Variants in EPC2 observed in about 807,000 individuals in gnomAD.
EPC2 encodes the protein enhancer of polycomb homolog 2.
A neutral mutation model predicts 92.1 loss-of-function variants in EPC2; 14 were observed. That is an observed-to-expected ratio of 0.15 (90% CI 0.10 to 0.24). EPC2 has a LOEUF of 0.24. EPC2 is among the 10% of genes least tolerant of loss of function. EPC2 has a pLI of 1.00. For missense variants in EPC2, 755 were observed against 971.5 expected (o/e 0.78, Z 2.96); for synonymous variants, 340 against 334.7 (o/e 1.02, Z -0.17).
chr2:148,646,501 ATATT>A (rs548812581), intron 1 of EPC2, among the ~76,000 whole-genome samples: 76 of 152,008 alleles, frequency 5.0e-4, no homozygotes, highest in Non-Finnish European at 8.7e-4. Flanking sequence ...ATACACATAT[ATATT>A]TGTGTGTGCA....
intron 2 of EPC2, among the ~76,000 whole-genome samples, chr2:148,722,024 C>T (rs182149471): frequency 5.9e-4 from 89 of 150,410 alleles, no homozygotes; most frequent in Middle Eastern, 3.5e-3. Context: ...GCATTCTTTT[C>T]ATATCTGACT....
chr2:148,689,051 C>G (rs546542843), intron 1 of EPC2, among the ~76,000 whole-genome samples: 192 of 152,176 alleles, frequency 1.3e-3, no homozygotes, highest in Non-Finnish European at 2.1e-3. Context: ...AGACTGGAAG[C>G]AATTTTGAAA....
At chr2:148,646,661 A>G (rs1683808277) in intron 1 of EPC2, among the ~76,000 whole-genome samples, 2 of 152,092 alleles carry the variant, frequency 1.3e-5, no homozygotes, top group African/African-American at 4.8e-5. Context: ...ATTAAAATAA[A>G]ATCATATTAT....
At chr2:148,692,783 G>A (rs1681669775) in intron 2 of EPC2, 1 of 152,232 alleles carries the variant, frequency 6.6e-6, no homozygotes, top group Admixed American at 6.5e-5. Context: ...TAAAAATCGG[G>A]TGTAACTCAT....
At chr2:148,775,988 A>G (rs1683635684) in intron 10 of EPC2, among the ~76,000 whole-genome samples, 1 of 151,820 alleles carries the variant, frequency 6.6e-6, no homozygotes. Context: ...TCACTGTGTT[A>G]GCCAGGATGG....
At chr2:148,765,823 A>T (rs12691805) in intron 7 of EPC2, among the ~76,000 whole-genome samples, 1 of 152,166 alleles carries the variant, frequency 6.6e-6, no homozygotes, top group Non-Finnish European at 1.5e-5. Flanking sequence ...GGATCACAAG[A>T]TCAGGAGATC....
intron 3 of EPC2, among the ~76,000 whole-genome samples, chr2:148,750,617 C>T (rs904313953): frequency 6.6e-6 from 1 of 151,898 alleles, no homozygotes; most frequent in African/African-American, 2.4e-5. Context: ...GATTGGCTTG[C>T]CGTAATTTTG....
chr2:148,713,755 A>G (rs535765480), intron 2 of EPC2, among the ~76,000 whole-genome samples: 48 of 152,184 alleles, frequency 3.2e-4, no homozygotes, highest in Admixed American at 8.5e-4. Flanking sequence ...AGTTGCCTAC[A>G]CTAGCATGCT....
chr2:148,784,213 G>GT (rs1416780149), intron 12 of EPC2, among the ~76,000 whole-genome samples: 1 of 152,146 alleles, frequency 6.6e-6, no homozygotes, highest in African/African-American at 2.4e-5. Context: ...GAAACCCTGT[G>GT]TGCTTCTTAG....
At chr2:148,664,069 A>G (rs369104787) in intron 1 of EPC2, among the ~76,000 whole-genome samples, 49 of 152,190 alleles carry the variant, frequency 3.2e-4, no homozygotes, top group African/African-American at 9.2e-4. Context: ...CCAATTCCCC[A>G]AAAGAGGAGT....
chr2:148,785,470 G>C (rs906923873), intron 13 of EPC2, among the ~76,000 whole-genome samples: 15 of 152,076 alleles, frequency 9.9e-5, no homozygotes, highest in African/African-American at 3.4e-4. Flanking sequence ...TGGGATTATA[G>C]GCACATGCCA....
chr2:148,684,255 G>T (rs1288967727), intron 1 of EPC2, among the ~76,000 whole-genome samples: 1 of 152,024 alleles, frequency 6.6e-6, no homozygotes, highest in Admixed American at 6.6e-5. Context: ...CTGAATATTA[G>T]TCCTTTGTTA....
chr2:148,674,694 C>T (rs1681229594), intron 1 of EPC2, among the ~76,000 whole-genome samples: 1 of 152,222 alleles, frequency 6.6e-6, no homozygotes, highest in African/African-American at 2.4e-5. Flanking sequence ...TGTGCTTTTT[C>T]TCCCAGTAGT....
intron 1 of EPC2, among the ~76,000 whole-genome samples, chr2:148,675,543 C>T (rs1681246471): frequency 1.3e-5 from 2 of 152,146 alleles, no homozygotes; most frequent in African/African-American, 4.8e-5. Flanking sequence ...GTACCCTCTT[C>T]TATCTGTATA....
intron 2 of EPC2, among the ~76,000 whole-genome samples, chr2:148,717,177 A>C (rs1229115677): frequency 4.1e-5 from 6 of 145,942 alleles, no homozygotes; most frequent in Non-Finnish European, 9.0e-5. Flanking sequence ...AAAAAAAACA[A>C]CTCCTGGATT....
intron 11 of EPC2, among the ~76,000 whole-genome samples, chr2:148,782,470 G>A (rs996780136): frequency 2.6e-5 from 4 of 152,000 alleles, no homozygotes; most frequent in Admixed American, 2.0e-4. Context: ...CCTGAAGGTG[G>A]AGGTTTCAGT....
At chr2:148,723,104 CTG>C (rs1431339193) in intron 2 of EPC2, among the ~76,000 whole-genome samples, 4 of 152,092 alleles carry the variant, frequency 2.6e-5, no homozygotes, top group African/African-American at 4.8e-5. Flanking sequence ...ATAAAATAGT[CTG>C]TATATCAAAC....
At chr2:148,766,677 A>G (rs1280391707) in intron 7 of EPC2, among the ~76,000 whole-genome samples, 2 of 152,248 alleles carry the variant, frequency 1.3e-5, no homozygotes, top group Admixed American at 6.5e-5. Context: ...CTGGAGCACA[A>G]AACATAGAAG....
intron 2 of EPC2, among the ~76,000 whole-genome samples, chr2:148,742,900 T>A (rs1449938589): frequency 6.6e-6 from 1 of 152,186 alleles, no homozygotes; most frequent in East Asian, 1.9e-4. Context: ...AAGAAATCTT[T>A]AAGAAAATCA....
Sources: allele counts gnomAD v4.1 joint callset (sites outside exome capture counted in the v4.1 genomes callset), GRCh38; gene constraint gnomAD v4.1.1; transcripts MANE v1.5; gene names NCBI Gene and HGNC (gene_info 2026-07-23, HGNC 2026-07-21).